AK7: variants seen among roughly 807,000 people sequenced by gnomAD.
The protein encoded by AK7 is ATP-AMP transphosphorylase 7.
A neutral mutation model predicts 96.6 loss-of-function variants in AK7; 78 were observed. The ratio of observed to expected loss-of-function variants is 0.81; its 90% CI spans 0.67 to 0.97. AK7 has a LOEUF of 0.97. Ranked by LOEUF, AK7 falls within the 50% of genes least tolerant of loss-of-function variation. The pLI, the probability that AK7 is intolerant of heterozygous loss-of-function variation, is 0.00. For synonymous variants in AK7, 302 were observed against 317.2 expected, an observed-to-expected ratio of 0.95 and a Z score of 0.51; for missense variants, 855 against 887.9, an observed-to-expected ratio of 0.96 and a Z score of 0.47.
chr14:96,471,942 AGCT>A (rs1894917603), intron 13 of AK7, among the ~76,000 whole-genome samples: 1 of 152,030 alleles, frequency 6.6e-6, no homozygotes, highest in African/African-American at 2.4e-5. Flanking sequence ...ACACCTCTAG[AGCT>A]TATGCATCTT....
At chr14:96,395,713 C>G (rs1270067208) in intron 1 of AK7, among the ~76,000 whole-genome samples, 6 of 80,198 alleles carry the variant, frequency 7.5e-5, no homozygotes, top group Non-Finnish European at 1.3e-4. Flanking sequence ...AAAACCTTGT[C>G]TCTAGAAAAA....
intron 2 of AK7, among the ~76,000 whole-genome samples, chr14:96,401,546 G>A (rs554902068): frequency 4.6e-5 from 7 of 152,308 alleles, no homozygotes; most frequent in South Asian, 2.1e-4. Flanking sequence ...TATATGGTGC[G>A]CTGTGGCAGA....
intron 5 of AK7, among the ~76,000 whole-genome samples, chr14:96,422,805 A>G (rs1891786680): frequency 6.6e-6 from 1 of 152,224 alleles, no homozygotes; most frequent in African/African-American, 2.4e-5. Context: ...AGCAAAATTC[A>G]TCATTTTGAC....
rs530982568 is a variant in AK7 at position 96,437,720 on chromosome 14, C to T, written c.610-115C>T. 58 of 686,082 alleles carry T rather than the reference C, an allele frequency of 8.5e-5. 1 individual carries two copies. In the Admixed American group the frequency reaches 1.2e-3, roughly 14 times the overall value. 42.5% of individuals were successfully genotyped at this position (686,082 alleles called of 1,614,324 possible). A position where few individuals can be genotyped will look rare whatever the true frequency, so the allele number is the denominator to read the frequency against. On this transcript the variant is annotated intron_variant, in intron 5 of 17. Transcript: ENST00000267584. Reference sequence around the variant, plus strand: ...TTGTATCCCGAACAATACTCAGTAACCTGCAAGAGTTGACGGAAGTTCTGA... The same window carrying T: ...TTGTATCCCGAACAATACTCAGTAATCTGCAAGAGTTGACGGAAGTTCTGA...
At chr14:96,438,124 T>A (rs992541009) in intron 6 of AK7, among the ~76,000 whole-genome samples, 4 of 152,224 alleles carry the variant, frequency 2.6e-5, no homozygotes, top group Admixed American at 2.0e-4. Context: ...GAAAAAGACG[T>A]ATCTCCTTTC....
intron 5 of AK7, among the ~76,000 whole-genome samples, chr14:96,421,734 T>C (rs1164703955): frequency 6.6e-6 from 1 of 151,620 alleles, no homozygotes; most frequent in Non-Finnish European, 1.5e-5. Context: ...GCCTCCCGGG[T>C]AGCTGGGACT....
chr14:96,406,463 T>C (rs548667450), intron 3 of AK7, among the ~76,000 whole-genome samples: 6 of 152,348 alleles, frequency 3.9e-5, no homozygotes, highest in African/African-American at 1.2e-4. Context: ...AAGAAAATTT[T>C]CCTTTTCTAT....
In AK7 at chr14:96,440,648, C is replaced by T. The variant is rs558223522; in HGVS notation, c.691-2082C>T. 1.1e-3 allele frequency among the ~76,000 whole-genome samples: 164 copies of T among 152,322 alleles called. 1 individual carries two copies. Among genetic ancestry groups the T allele is most frequent in the Non-Finnish European group, 1.5e-3 (103 of 68,014 alleles). ...CCATCTCAGAAAATGGGGTAACCCT[C>T]CAACCAGCTACATGATCAGAATCCA... On this transcript the variant is annotated intron_variant, in intron 6 of 17. Coordinates refer to ENST00000267584, the MANE Select transcript of AK7 (RefSeq NM_152327.5).
chr14:96,392,148 T>C lies in AK7; in HGVS notation c.-7T>C. ...CTTTCACCTTAGCAACCAGCGCGGC[T>C]CCCACCATGGCTGAAGAAGAGGAAA... On this transcript the variant is annotated 5_prime_UTR_variant, in exon 1 of 18. Transcript: ENST00000267584. The C allele has an allele frequency of 1.9e-6, 3 of 1,609,190 alleles. No individual in the cohort carries two copies. Among genetic ancestry groups the C allele is most frequent in the Non-Finnish European group, 2.6e-6 (3 of 1,176,104 alleles).
intron 16 of AK7, among the ~76,000 whole-genome samples, chr14:96,486,627 A>G (rs527682029): frequency 5.3e-5 from 8 of 150,090 alleles, no homozygotes; most frequent in African/African-American, 2.0e-4. Flanking sequence ...CAGACTTTCT[A>G]GTGGCATTTC....
At chr14:96,411,510 C>CA (rs553019838) in intron 4 of AK7, among the ~76,000 whole-genome samples, 375 of 139,240 alleles carry the variant, frequency 2.7e-3, no homozygotes, top group Non-Finnish European at 3.1e-3. Flanking sequence ...GGCCCTGTCT[C>CA]AAAAAAAAAA....
At chr14:96,414,848 G>T (rs1175055770) in intron 4 of AK7, among the ~76,000 whole-genome samples, 2 of 150,214 alleles carry the variant, frequency 1.3e-5, no homozygotes, top group Non-Finnish European at 3.0e-5. Flanking sequence ...CACCTCCTGG[G>T]CTCAAGTGAT....
At chr14:96,423,620 T>A in intron 5 of AK7, 1 of 551,860 alleles carries the variant, frequency 1.8e-6, no homozygotes, top group Admixed American at 2.2e-5. Context: ...AGGAGAAAGC[T>A]ATGGTACATG....
In AK7 at chr14:96,481,100, C is replaced by T. The variant is rs1316125338; in HGVS notation, c.1754-1899C>T. Among the ~76,000 whole-genome samples the T allele has an allele frequency of 2.6e-5, 4 of 152,194 alleles. No homozygotes were observed. The East Asian group carries it at 7.7e-4, about 29-fold the overall frequency. On this transcript the variant is annotated intron_variant, in intron 15 of 17. Transcript: ENST00000267584. ...CAGAGTTACAATGCTACCCTGGGAG[C>T]CAAGGCCAGAGCTGACTTCACTGTG...
chr14:96,482,802 C>T (rs549647823), intron 15 of AK7, among the ~76,000 whole-genome samples, 197 bp from the exon 16 acceptor site: 1 of 152,334 alleles, frequency 6.6e-6, no homozygotes, highest in East Asian at 1.9e-4. Context: ...AATTTTCCTA[C>T]CCACAGCCCT....
At chr14:96,392,390 G>T in intron 1 of AK7, 131 bp downstream of exon 1, 1 of 721,128 alleles carries the variant, frequency 1.4e-6, no homozygotes, top group Non-Finnish European at 2.3e-6. Flanking sequence ...AGGGTCCCGC[G>T]TCCTGGGCAC....
At chr14:96,430,148 GTTTATTAA>G (rs1242232143) in intron 5 of AK7, among the ~76,000 whole-genome samples, 3 of 149,698 alleles carry the variant, frequency 2.0e-5, no homozygotes, top group Non-Finnish European at 4.4e-5. Context: ...TCAATACCTA[GTTTATTAA>G]AAGTTTTTAG....
chr14:96,472,902 C>T (rs572387084), intron 14 of AK7, 147 bp downstream of exon 14: 28 of 563,392 alleles, frequency 5.0e-5, no homozygotes, highest in Middle Eastern at 5.2e-4. Context: ...GCCAACATGG[C>T]GAAACCCCAT....
At chr14:96,452,100 A>T (rs1476562786) in intron 10 of AK7, among the ~76,000 whole-genome samples, 1 of 152,188 alleles carries the variant, frequency 6.6e-6, no homozygotes, top group Non-Finnish European at 1.5e-5. Context: ...TTCAAGGTAG[A>T]TATTCTTTTT....
Sources: allele counts gnomAD v4.1 joint callset (sites outside exome capture counted in the v4.1 genomes callset), GRCh38; gene constraint gnomAD v4.1.1; transcripts MANE v1.5; gene names NCBI Gene and HGNC (gene_info 2026-07-23, HGNC 2026-07-21).